Variants in ZFAND3 observed in about 807,000 individuals in gnomAD.
ZFAND3 encodes the protein zinc finger AN1-type containing 3, also known as AN1-type zinc finger protein 3.
ZFAND3 carries 10 observed loss-of-function variants against 29.6 expected under a neutral mutation model. That is an observed-to-expected ratio of 0.34 (90% confidence interval 0.21 to 0.57). The LOEUF (loss-of-function observed/expected upper bound fraction) is 0.57. ZFAND3 is among the 20% of genes least tolerant of loss of function. ZFAND3 has a pLI of 0.86. For missense variants in ZFAND3, 230 were observed against 304.5 expected, an observed-to-expected ratio of 0.76 and a Z score of 1.82; for synonymous variants, 128 against 112.6, an observed-to-expected ratio of 1.14 and a Z score of -0.87.
intron 2 of ZFAND3, among the ~76,000 whole-genome samples, chr6:38,047,852 T>A (rs1763934044): frequency 6.6e-6 from 1 of 152,188 alleles, no homozygotes; most frequent in Admixed American, 6.5e-5. Flanking sequence ...TAAACCATTG[T>A]TATAAAGCCT....
chr6:37,837,088 T>C (rs1763981563), intron 1 of ZFAND3, among the ~76,000 whole-genome samples: 2 of 152,102 alleles, frequency 1.3e-5, no homozygotes, highest in Non-Finnish European at 2.9e-5. Context: ...CCCGTATAGG[T>C]TGAGATGTCA....
chr6:37,862,846 G>GA (rs930133005), intron 1 of ZFAND3, among the ~76,000 whole-genome samples: 5 of 148,148 alleles, frequency 3.4e-5, no homozygotes, highest in African/African-American at 7.4e-5. Flanking sequence ...ATTTTGCTGG[G>GA]AAAAAAAAAT....
At chr6:38,139,491 C>T (rs960226870) in intron 5 of ZFAND3, among the ~76,000 whole-genome samples, 1 of 152,086 alleles carries the variant, frequency 6.6e-6, no homozygotes, top group Admixed American at 6.5e-5. Context: ...TCTGAGGGTC[C>T]AGGAAGATCT....
At chr6:37,907,214 A>G (rs758813014) in intron 1 of ZFAND3, among the ~76,000 whole-genome samples, 1 of 151,968 alleles carries the variant, frequency 6.6e-6, no homozygotes, top group Non-Finnish European at 1.5e-5. Context: ...TCCTCTCCCA[A>G]CTTTTTTGTT....
At chr6:38,152,153 C>T (rs1385350013) in intron 5 of ZFAND3, 82 bp from the exon 6 acceptor site, 9 of 1,340,488 alleles carry the variant, frequency 6.7e-6, no homozygotes, top group African/African-American at 1.5e-5. Flanking sequence ...CCTCCATCCT[C>T]TGGACAAAGG....
chr6:38,096,354 G>A (rs1261605994), intron 4 of ZFAND3, among the ~76,000 whole-genome samples: 5 of 152,096 alleles, frequency 3.3e-5, no homozygotes, highest in African/African-American at 7.2e-5. Context: ...TGTATTTTTA[G>A]TAGAGGCGGG....
At chr6:37,924,920 TG>T (rs1178864462) in intron 1 of ZFAND3, among the ~76,000 whole-genome samples, 1 of 151,994 alleles carries the variant, frequency 6.6e-6, no homozygotes, top group Non-Finnish European at 1.5e-5. Flanking sequence ...TACAGTGATT[TG>T]GGGGTACAGG....
intron 1 of ZFAND3, among the ~76,000 whole-genome samples, chr6:37,903,163 T>C (rs1765350559): frequency 6.6e-6 from 1 of 152,182 alleles, no homozygotes; most frequent in African/African-American, 2.4e-5. Context: ...CAATTTTGTG[T>C]TAAAACTTCT....
At chr6:38,124,524 C>T (rs954997905) in intron 5 of ZFAND3, among the ~76,000 whole-genome samples, 12 of 152,210 alleles carry the variant, frequency 7.9e-5, no homozygotes, top group African/African-American at 2.2e-4. Context: ...AGCGCAGTGC[C>T]GGTGGGCCGC....
intron 1 of ZFAND3, among the ~76,000 whole-genome samples, chr6:37,924,435 A>G (rs1198475074): frequency 6.6e-6 from 1 of 151,226 alleles, no homozygotes; most frequent in Non-Finnish European, 1.5e-5. Context: ...CTTTGCTCTT[A>G]TGGCACTTAC....
At chr6:37,904,798 G>GC (rs1370104203) in intron 1 of ZFAND3, among the ~76,000 whole-genome samples, 9 of 152,102 alleles carry the variant, frequency 5.9e-5, no homozygotes, top group African/African-American at 1.9e-4. Flanking sequence ...TATTCACAGC[G>GC]CCTAGAACAG....
intron 1 of ZFAND3, among the ~76,000 whole-genome samples, chr6:37,902,634 A>T (rs1362747628): frequency 1.3e-5 from 2 of 152,210 alleles, no homozygotes; most frequent in Admixed American, 6.5e-5. Flanking sequence ...CAATAGCTGT[A>T]ATCATGAATT....
At chr6:37,916,314 A>C (rs1188087480) in intron 1 of ZFAND3, among the ~76,000 whole-genome samples, 1 of 152,142 alleles carries the variant, frequency 6.6e-6, no homozygotes, top group East Asian at 1.9e-4. Context: ...TAAACCCTCA[A>C]CTTGTAAAAA....
chr6:38,093,779 CAG>C lies in ZFAND3; in HGVS notation c.361+11324_361+11325del, dbSNP rs550241812. 1.5e-4 allele frequency among the ~76,000 whole-genome samples: 23 copies of C among 152,258 alleles called. No individual in the cohort carries two copies. The East Asian group carries it at 3.5e-3, about 23-fold the overall frequency. ...ATAACAAGGAAATAAAGGCAGCAGACAGAAATCATTCATTATGGAGTTAATTG... is the reference window on the plus strand; with the variant it reads ...ATAACAAGGAAATAAAGGCAGCAGACAAATCATTCATTATGGAGTTAATTG... On this transcript the variant is annotated intron_variant, in intron 4 of 5. Transcript: ENST00000287218.
chr6:38,009,487 G>A (rs1763109171), intron 2 of ZFAND3, among the ~76,000 whole-genome samples: 1 of 152,104 alleles, frequency 6.6e-6, no homozygotes, highest in African/African-American at 2.4e-5. Flanking sequence ...TGGTTATATT[G>A]GGAGAGACAA....
chr6:37,921,254 C>T (rs756106486), intron 1 of ZFAND3, among the ~76,000 whole-genome samples: 2 of 152,108 alleles, frequency 1.3e-5, no homozygotes, highest in Non-Finnish European at 2.9e-5. Flanking sequence ...ACTCCCTTCA[C>T]TGAAGAAGGA....
intron 1 of ZFAND3, among the ~76,000 whole-genome samples, chr6:37,842,923 A>G (rs1466075291): frequency 1.3e-5 from 2 of 151,090 alleles, no homozygotes; most frequent in African/African-American, 4.9e-5. Flanking sequence ...GGAGTTTGAT[A>G]CCAGCCTGGC....
chr6:37,874,189 C>G (rs974053783), intron 1 of ZFAND3, among the ~76,000 whole-genome samples: 6 of 152,150 alleles, frequency 3.9e-5, no homozygotes, highest in African/African-American at 1.2e-4. Context: ...TTCACATCAT[C>G]TTTCCTCTGT....
chr6:38,025,622 A>G (rs1293509374), intron 2 of ZFAND3, among the ~76,000 whole-genome samples: 4 of 152,322 alleles, frequency 2.6e-5, no homozygotes, highest in Non-Finnish European at 2.9e-5. Flanking sequence ...TAGTTTGGCA[A>G]ATAGCTTGCT....
Sources: gnomAD v4.1 joint callset for allele counts (sites outside exome capture counted in the v4.1 genomes callset) on GRCh38, gnomAD v4.1.1 for gene constraint, MANE v1.5 for transcripts, NCBI Gene and HGNC (gene_info 2026-07-23, HGNC 2026-07-21) for gene names.